CTDSPL2: variants seen among roughly 807,000 people sequenced by gnomAD.
CTDSPL2 encodes the protein CTD small phosphatase like 2, also known as CTD small phosphatase-like protein 2.
In CTDSPL2, 5 loss-of-function variants were observed where a neutral mutation model predicts 60.0. The observed-to-expected ratio is 0.08, with a 90% CI of 0.04 to 0.18. The LOEUF (loss-of-function observed/expected upper bound fraction) is 0.18. CTDSPL2 is among the 10% of genes least tolerant of loss of function. The pLI is 1.00. For missense variants in CTDSPL2, 370 were observed against 548.8 expected (o/e 0.67, Z 3.26); for synonymous variants, 186 against 189.3 (o/e 0.98, Z 0.14).
chr15:44,446,786 C>T (rs1280129858), intron 1 of CTDSPL2, among the ~76,000 whole-genome samples: 1 of 127,346 alleles, frequency 7.9e-6, no homozygotes, highest in Non-Finnish European at 1.6e-5. Context: ...GACGGAGTCT[C>T]AGTCTGTTGC....
At position 44,524,313 on chromosome 15, in the gene CTDSPL2, A is replaced by G; in HGVS notation, c.*139A>G. ...TTTCTTATCTTTGGTGCCCAATAAT[A>G]ATTAAGGGTTACAGAAAGAGACTTT... On this transcript the variant is annotated 3_prime_UTR_variant, in exon 13 of 13. Coordinates refer to ENST00000260327, the MANE Select transcript of CTDSPL2 (RefSeq NM_016396.3). The G allele has an allele frequency of 1.5e-6, 1 of 668,414 alleles. No homozygotes were observed. Among genetic ancestry groups the G allele is most frequent in the Non-Finnish European group, 2.7e-6 (1 of 376,030 alleles). The allele number at this position is 668,414 out of a possible 1,614,324, so 41.4% of individuals were successfully genotyped here. A position where few individuals can be genotyped will look rare whatever the true frequency, so the allele number is the denominator to read the frequency against.
intron 2 of CTDSPL2, among the ~76,000 whole-genome samples, chr15:44,475,374 C>T (rs1037885866): frequency 1.3e-5 from 2 of 152,182 alleles, no homozygotes; most frequent in Non-Finnish European, 2.9e-5. Context: ...CGTGGTGGCT[C>T]ACGCCTATAA....
chr15:44,464,783 T>G (rs2080649874), intron 2 of CTDSPL2, among the ~76,000 whole-genome samples: 2 of 152,196 alleles, frequency 1.3e-5, no homozygotes, highest in Admixed American at 1.3e-4. Flanking sequence ...CTCAGCTCAT[T>G]GCAACCTGTC....
rs1033782101 is a variant in CTDSPL2, at chr15:44,526,171, G to A, written c.*1997G>A. ...CTTTCTTGAAATAAAATGTACATAC[G>A]TTACCTTTACATATGCTCTTGCTCA... is the stretch of plus-strand genomic sequence containing the variant. On this transcript the variant is annotated 3_prime_UTR_variant, in exon 13 of 13. Coordinates refer to ENST00000260327, the MANE Select transcript of CTDSPL2 (RefSeq NM_016396.3). 6.6e-6 allele frequency: 1 copy of A among 152,020 alleles called. No individual in the cohort carries two copies. Among genetic ancestry groups the A allele is most frequent in the Non-Finnish European group, 1.5e-5 (1 of 67,976 alleles). 9.4% of individuals were successfully genotyped at this position (152,020 alleles called of 1,614,324 possible). A position where few individuals can be genotyped will look rare whatever the true frequency, so the allele number is the denominator to read the frequency against.
At chr15:44,452,271 A>G (rs1346854802) in intron 1 of CTDSPL2, among the ~76,000 whole-genome samples, 1 of 152,116 alleles carries the variant, frequency 6.6e-6, no homozygotes, top group Non-Finnish European at 1.5e-5. Context: ...TGTGTCCCCG[A>G]TAAAAATTCT....
At chr15:44,464,309 C>G (rs1328101866) in intron 2 of CTDSPL2, among the ~76,000 whole-genome samples, 2 of 152,164 alleles carry the variant, frequency 1.3e-5, no homozygotes, top group African/African-American at 4.8e-5. Context: ...GAAGCTGAGG[C>G]ACAGGGAGGT....
intron 12 of CTDSPL2, among the ~76,000 whole-genome samples, chr15:44,521,937 CAAAAAAA>C (rs904398715): frequency 1.3e-4 from 8 of 60,762 alleles, no homozygotes; most frequent in African/African-American, 3.3e-4. Context: ...GACTCCGTCT[CAAAAAAA>C]AAAAAAAAAA....
At chr15:44,433,882 G>A (rs1050476483) in intron 1 of CTDSPL2, among the ~76,000 whole-genome samples, 1 of 150,170 alleles carries the variant, frequency 6.7e-6, no homozygotes, top group Non-Finnish European at 1.5e-5. Flanking sequence ...GAACCCAGGA[G>A]ATGGAGGTTG....
intron 2 of CTDSPL2, among the ~76,000 whole-genome samples, chr15:44,466,275 C>G (rs1238958239): frequency 6.6e-6 from 1 of 151,844 alleles, no homozygotes; most frequent in Non-Finnish European, 1.5e-5. Flanking sequence ...GCCTTGGCCT[C>G]CCGTAATGGG....
At chr15:44,486,866 C>G (rs1170315937) in intron 4 of CTDSPL2, among the ~76,000 whole-genome samples, 166 bp downstream of exon 4, 2 of 151,248 alleles carry the variant, frequency 1.3e-5, no homozygotes, top group Non-Finnish European at 2.9e-5. Flanking sequence ...CAGGTTCAAG[C>G]AATACTCCTG....
At chr15:44,470,120 A>T (rs993649144) in intron 2 of CTDSPL2, among the ~76,000 whole-genome samples, 6 of 150,108 alleles carry the variant, frequency 4.0e-5, no homozygotes, top group Non-Finnish European at 8.8e-5. Flanking sequence ...AAAAAAAAAA[A>T]ATGGCGACTG....
chr15:44,468,006 T>G (rs551428317), intron 2 of CTDSPL2, among the ~76,000 whole-genome samples: 1 of 152,256 alleles, frequency 6.6e-6, no homozygotes, highest in East Asian at 1.9e-4. Context: ...TCTTCTGTAG[T>G]TTTGTCTTGA....
chr15:44,448,429 C>T (rs533341493), intron 1 of CTDSPL2: 44 of 241,464 alleles, frequency 1.8e-4, no homozygotes, highest in Admixed American at 4.5e-4. Context: ...TGGACTCATG[C>T]ATTCCATGCT....
Position 44,459,067 on chromosome 15 carries a change from A to G in CTDSPL2, c.53A>G (p.Gln18Arg), listed in dbSNP as rs753406164. The G allele has an allele frequency of 1.2e-6, 2 of 1,611,446 alleles. No individual in the cohort carries two copies. Among genetic ancestry groups the G allele is most frequent in the South Asian group, 2.2e-5 (2 of 90,800 alleles). The change falls in exon 2 of 13, where the codon CAA becomes CGA. Residue 18 changes from glutamine (Q) to arginine (R), a missense_variant. This residue lies in a region of CTDSPL2 where 287 missense variants were observed against 296.1 expected (regional missense o/e 0.97). Transcript: ENST00000260327. ...CAGCAGTCAAATCAAATCCAAACACAACGCACTGCCAGAGCAAAGAGGAAA... is the reference window on the plus strand; with the variant it reads ...CAGCAGTCAAATCAAATCCAAACACGACGCACTGCCAGAGCAAAGAGGAAA... The part of the protein sequence containing the change: ...ASQQSNQIQT[Q>R]RTARAKRKYS...
intron 5 of CTDSPL2, among the ~76,000 whole-genome samples, chr15:44,494,521 T>C (rs1278966905): frequency 2.6e-5 from 4 of 151,926 alleles, no homozygotes; most frequent in South Asian, 2.1e-4. Context: ...CTGAGGAGGA[T>C]TGCTGGAGCC....
intron 8 of CTDSPL2, among the ~76,000 whole-genome samples, chr15:44,512,856 G>GC: frequency 6.6e-6 from 1 of 152,116 alleles, no homozygotes; most frequent in Non-Finnish European, 1.5e-5. Flanking sequence ...ACTTTGGGAG[G>GC]CAGGCAGATC....
intron 4 of CTDSPL2, among the ~76,000 whole-genome samples, chr15:44,488,105 G>A (rs1228876685): frequency 4.9e-5 from 7 of 142,664 alleles, no homozygotes; most frequent in Admixed American, 2.8e-4. Context: ...GCAAGACTCC[G>A]TCTCAAAAAA....
At chr15:44,495,644 T>C (rs904296088) in intron 5 of CTDSPL2, among the ~76,000 whole-genome samples, 2 of 150,904 alleles carry the variant, frequency 1.3e-5, no homozygotes, top group South Asian at 4.2e-4. Flanking sequence ...TTTTAAAGAC[T>C]GTTCATGGTC....
intron 1 of CTDSPL2, among the ~76,000 whole-genome samples, chr15:44,443,790 TTATG>T (rs2080142698): frequency 6.6e-6 from 1 of 152,206 alleles, no homozygotes; most frequent in Non-Finnish European, 1.5e-5. Context: ...TTGTAATGCT[TTATG>T]TATTCTAGAT....
Sources: gnomAD v4.1 joint callset for allele counts (sites outside exome capture counted in the v4.1 genomes callset) on GRCh38, gnomAD v4.1.1 for gene constraint, gnomAD v4.1.1 regional missense constraint, MANE v1.5 for transcripts, NCBI Gene and HGNC (gene_info 2026-07-23, HGNC 2026-07-21) for gene names.